The following ULK4 variants were observed in gnomAD, a reference collection of about 807,000 sequenced individuals.
ULK4 encodes the protein unc-51 like kinase 4, also known as inactive serine/threonine-protein kinase ULK4.
Under a neutral mutation model 160.6 loss-of-function variants are expected in ULK4, and 133 were observed. The observed-to-expected ratio is 0.83, with a 90% CI of 0.72 to 0.96. ULK4 has a LOEUF of 0.96. Ranked by LOEUF, ULK4 falls within the 40% of genes least tolerant of loss-of-function variation. The pLI is 0.00. For missense variants in ULK4, 1,580 were observed against 1,499.5 expected (o/e 1.05, Z -0.89); for synonymous variants, 534 against 539.8 (o/e 0.99, Z 0.15).
chr3:41,751,603 A>G (rs2038631758), intron 22 of ULK4, among the ~76,000 whole-genome samples: 1 of 152,150 alleles, frequency 6.6e-6, no homozygotes, highest in Non-Finnish European at 1.5e-5. Context: ...GCTTCTAAAC[A>G]TTTATTCAGA....
At chr3:41,323,701 C>G (rs932664273) in intron 35 of ULK4, among the ~76,000 whole-genome samples, 3 of 152,022 alleles carry the variant, frequency 2.0e-5, no homozygotes, top group African/African-American at 7.3e-5. Flanking sequence ...CCAAATCTCA[C>G]TCCCACGAGT....
intron 32 of ULK4, among the ~76,000 whole-genome samples, chr3:41,521,375 T>G (rs565447427): frequency 6.6e-6 from 1 of 152,158 alleles, no homozygotes; most frequent in South Asian, 2.1e-4. Context: ...TAGACCTTAT[T>G]TTTTTTTCAA....
intron 34 of ULK4, among the ~76,000 whole-genome samples, chr3:41,415,536 G>T (rs527857687): frequency 1.3e-5 from 2 of 152,132 alleles, no homozygotes; most frequent in East Asian, 3.9e-4. Context: ...GCCGCTCAGG[G>T]TATTTGCATC....
intron 31 of ULK4, among the ~76,000 whole-genome samples, chr3:41,571,819 G>A (rs2087985628): frequency 6.6e-6 from 1 of 152,128 alleles, no homozygotes; most frequent in African/African-American, 2.4e-5. Context: ...CCAATCCTCA[G>A]AGCTCATTGA....
intron 35 of ULK4, among the ~76,000 whole-genome samples, chr3:41,377,648 G>C (rs2081537879): frequency 6.8e-6 from 1 of 146,134 alleles, no homozygotes; most frequent in African/African-American, 2.6e-5. Flanking sequence ...GGCCATCAGA[G>C]AAATGCAAAT....
intron 22 of ULK4, among the ~76,000 whole-genome samples, chr3:41,753,685 T>G (rs933249889): frequency 6.6e-6 from 1 of 152,190 alleles, no homozygotes; most frequent in African/African-American, 2.4e-5. Context: ...TAAGGAAAAT[T>G]ACAACCAAGC....
chr3:41,929,291 C>G (rs1236920570), intron 5 of ULK4, among the ~76,000 whole-genome samples: 1 of 152,102 alleles, frequency 6.6e-6, no homozygotes, highest in Non-Finnish European at 1.5e-5. Flanking sequence ...AAATTCAACA[C>G]CGCTTCATGC....
intron 21 of ULK4, among the ~76,000 whole-genome samples, chr3:41,756,323 A>G (rs756627685): frequency 1.1e-4 from 16 of 152,162 alleles, no homozygotes; most frequent in Middle Eastern, 3.2e-3. Context: ...CTATTCTACA[A>G]ATTTTAGCCA....
chr3:41,641,170 T>C (rs528575567), intron 30 of ULK4, among the ~76,000 whole-genome samples: 2 of 152,342 alleles, frequency 1.3e-5, no homozygotes, highest in South Asian at 4.1e-4. Flanking sequence ...CAATATCCAT[T>C]GTCACCCTCC....
chr3:41,525,006 C>A (rs955437323), intron 32 of ULK4, among the ~76,000 whole-genome samples: 1 of 152,006 alleles, frequency 6.6e-6, no homozygotes, highest in Non-Finnish European at 1.5e-5. Context: ...GAGATAAAGA[C>A]GGTTAACCAA....
intron 22 of ULK4, among the ~76,000 whole-genome samples, chr3:41,730,712 T>C (rs1163506082): frequency 1.3e-5 from 2 of 152,150 alleles, no homozygotes; most frequent in African/African-American, 4.8e-5. Flanking sequence ...GTAATCCTTT[T>C]CAAAGTACTC....
At chr3:41,645,338 A>C (rs1242442812) in intron 30 of ULK4, among the ~76,000 whole-genome samples, 3 of 151,970 alleles carry the variant, frequency 2.0e-5, no homozygotes, top group Non-Finnish European at 4.4e-5. Context: ...TTATTACTAT[A>C]AATTTCCCTC....
chr3:41,406,719 T>C (rs1435020742), intron 34 of ULK4, among the ~76,000 whole-genome samples: 23 of 152,234 alleles, frequency 1.5e-4, no homozygotes, highest in Admixed American at 1.5e-3. Flanking sequence ...GAACATTCTA[T>C]TTTTCCAGTG....
chr3:41,602,251 A>AAAAGGAAAGGAAAGGAAAGGAAAGG (rs56277936), intron 31 of ULK4, among the ~76,000 whole-genome samples: 175 of 86,720 alleles, frequency 2.0e-3, no homozygotes, highest in African/African-American at 5.6e-3. Context: ...AAGGAAGAGA[A>AAAAGGAAAGGAAAGGAAAGGAAAGG]AAAGGAAAGG....
intron 19 of ULK4, among the ~76,000 whole-genome samples, chr3:41,818,340 C>T (rs2041036405): frequency 6.6e-6 from 1 of 152,112 alleles, no homozygotes; most frequent in Non-Finnish European, 1.5e-5. Flanking sequence ...TGTTCTTTTG[C>T]ATTTATGTGT....
At chr3:41,688,601 GAACAA>G (rs2036178109) in intron 27 of ULK4, among the ~76,000 whole-genome samples, 1 of 151,314 alleles carries the variant, frequency 6.6e-6, no homozygotes, top group Non-Finnish European at 1.5e-5. Context: ...AATTTCTTTA[GAACAA>G]AACAAAACAA....
chr3:41,958,690 T>C (rs779643778), intron 1 of ULK4, among the ~76,000 whole-genome samples: 82 of 150,702 alleles, frequency 5.4e-4, no homozygotes, highest in Non-Finnish European at 1.1e-3. Context: ...CACTCCAGCC[T>C]GGGTGACAAG....
At chr3:41,546,767 TAAAAAAAAAAAA>T (rs1158675738) in intron 32 of ULK4, among the ~76,000 whole-genome samples, 4 of 32,538 alleles carry the variant, frequency 1.2e-4, no homozygotes, top group Admixed American at 4.2e-4. Flanking sequence ...CCTAGGCCCT[TAAAAAAAAAAAA>T]AAAAAAAAAA....
At chr3:41,735,756 G>A (rs945512828) in intron 22 of ULK4, among the ~76,000 whole-genome samples, 2 of 150,248 alleles carry the variant, frequency 1.3e-5, no homozygotes. Context: ...GTGCAGGTTT[G>A]TTACATATGT....
Sources: allele counts gnomAD v4.1 joint callset (sites outside exome capture counted in the v4.1 genomes callset), GRCh38; gene constraint gnomAD v4.1.1; transcripts MANE v1.5; gene names NCBI Gene and HGNC (gene_info 2026-07-23, HGNC 2026-07-21).